Variants in ASPRV1 observed in about 807,000 individuals in gnomAD.
ASPRV1 encodes aspartic peptidase retroviral like 1, also known as retroviral-like aspartic protease 1.
In ASPRV1, 7 loss-of-function variants were observed where a neutral mutation model predicts 11.0. The ratio of observed to expected loss-of-function variants is 0.64; its 90% CI spans 0.36 to 1.20. The LOEUF is 1.20. Ranked by LOEUF, ASPRV1 falls within the 50% of genes most tolerant of loss-of-function variation. The probability of loss-of-function intolerance (pLI) is 0.02; values close to 1 mark genes in which losing one functional copy is unlikely to be tolerated. For missense variants in ASPRV1, 299 were observed against 320.0 expected (o/e 0.93, Z 0.50); for synonymous variants, 136 against 138.4 (o/e 0.98, Z 0.12).
chr2:69,968,022 C>T, the ASPRV1 span, among the ~76,000 whole-genome samples: 1 of 152,038 alleles, frequency 6.6e-6, no homozygotes, highest in Admixed American at 6.5e-5. Context: ...GCGAAGGTTG[C>T]AGTGAGCTAA....
At chr2:70,040,782 C>T in the ASPRV1 span, among the ~76,000 whole-genome samples, 1 of 150,918 alleles carries the variant, frequency 6.6e-6, no homozygotes, top group African/African-American at 2.5e-5. Context: ...TTCAGTGAGC[C>T]GAGATCACAC....
At chr2:70,016,504 G>A in the ASPRV1 span, among the ~76,000 whole-genome samples, 2 of 152,118 alleles carry the variant, frequency 1.3e-5, no homozygotes, top group African/African-American at 4.8e-5. Flanking sequence ...TTATGCCACT[G>A]CACTCCAGCC....
At chr2:69,938,029 G>C in the ASPRV1 span, 1 of 1,483,094 alleles carries the variant, frequency 6.7e-7, no homozygotes, top group Non-Finnish European at 9.2e-7. Flanking sequence ...TTACAAGCAT[G>C]AGCCACCACG....
chr2:70,053,363 G>T, the ASPRV1 span, among the ~76,000 whole-genome samples: 1 of 152,050 alleles, frequency 6.6e-6, no homozygotes, highest in Non-Finnish European at 1.5e-5. Context: ...TTAGCCTGGG[G>T]TGGGGGGTAT....
At chr2:69,982,734 TC>T in the ASPRV1 span, among the ~76,000 whole-genome samples, 2 of 152,044 alleles carry the variant, frequency 1.3e-5, no homozygotes, top group African/African-American at 4.8e-5. Flanking sequence ...CTTCCCCCCT[TC>T]TCAGGCCTGC....
the ASPRV1 span, among the ~76,000 whole-genome samples, chr2:69,973,274 T>C: frequency 3.6e-4 from 55 of 152,350 alleles, no homozygotes; most frequent in African/African-American, 1.3e-3. Flanking sequence ...CCTACAGTTG[T>C]AACTGATAAA....
chr2:69,988,478 A>G, the ASPRV1 span: 1 of 281,218 alleles, frequency 3.6e-6, no homozygotes, highest in East Asian at 8.7e-5. Context: ...GTTCATAGAG[A>G]CAGAAAGTAC....
chr2:69,953,800 C>A, the ASPRV1 span, among the ~76,000 whole-genome samples: 1 of 152,138 alleles, frequency 6.6e-6, no homozygotes, highest in Non-Finnish European at 1.5e-5. Context: ...CTCCACCTCC[C>A]AGGTTCAAGC....
At chr2:69,937,992 C>T in the ASPRV1 span, 3 of 1,053,528 alleles carry the variant, frequency 2.8e-6, no homozygotes, top group Non-Finnish European at 4.2e-6. Context: ...AGTGATCCAC[C>T]CGCCTTTGCC....
chr2:69,975,820 C>T, the ASPRV1 span: 2 of 152,386 alleles, frequency 1.3e-5, no homozygotes, highest in Non-Finnish European at 2.9e-5. Context: ...AGTGAATTTG[C>T]TTTTGGTTTT....
the ASPRV1 span, among the ~76,000 whole-genome samples, chr2:69,989,058 T>C: frequency 6.6e-6 from 1 of 151,962 alleles, no homozygotes; most frequent in South Asian, 2.1e-4. Context: ...CCATGAAGAG[T>C]GAGCAGGCAG....
chr2:70,067,533 T>C, the ASPRV1 span, among the ~76,000 whole-genome samples: 1 of 152,250 alleles, frequency 6.6e-6, no homozygotes, highest in Non-Finnish European at 1.5e-5. Context: ...ATCCATTCTA[T>C]GAAATACTAT....
chr2:69,969,761 C>T, the ASPRV1 span, among the ~76,000 whole-genome samples: 5 of 152,166 alleles, frequency 3.3e-5, no homozygotes, highest in African/African-American at 1.2e-4. Flanking sequence ...TTGTTTGTTT[C>T]GTCACCTAGG....
At chr2:70,016,363 T>A in the ASPRV1 span, 1 of 152,050 alleles carries the variant, frequency 6.6e-6, no homozygotes, top group Non-Finnish European at 1.5e-5. Flanking sequence ...TGGGACTACA[T>A]CAGCATAGAT....
chr2:70,067,147 G>A, the ASPRV1 span, among the ~76,000 whole-genome samples: 8 of 152,174 alleles, frequency 5.3e-5, 1 homozygote, highest in Admixed American at 3.9e-4. Context: ...CAGTAGCAAT[G>A]GAGAGGGAAA....
upstream of ASPRV1, among the ~76,000 whole-genome samples, chr2:69,963,908 G>A (rs1432896879): frequency 6.6e-6 from 1 of 152,160 alleles, no homozygotes; most frequent in Non-Finnish European, 1.5e-5. Flanking sequence ...AGGCGCCGGG[G>A]GCAGGGGTCT....
chr2:70,024,075 ATCCCGTC>A, the ASPRV1 span, among the ~76,000 whole-genome samples: 1 of 150,426 alleles, frequency 6.6e-6, no homozygotes. Flanking sequence ...ACAAAGCAAA[ATCCCGTC>A]ACTATTAAAA....
chr2:69,940,228 T>C, the ASPRV1 span: 1 of 152,050 alleles, frequency 6.6e-6, no homozygotes, highest in Non-Finnish European at 1.5e-5. Flanking sequence ...CTTGTATGCC[T>C]TTTGCATTTT....
At chr2:70,064,988 A>C in the ASPRV1 span, among the ~76,000 whole-genome samples, 1 of 152,036 alleles carries the variant, frequency 6.6e-6, no homozygotes, top group South Asian at 2.1e-4. Flanking sequence ...CCAGCTACTG[A>C]GGAGGCTGAG....
Sources: allele counts gnomAD v4.1 joint callset (sites outside exome capture counted in the v4.1 genomes callset), GRCh38; gene constraint gnomAD v4.1.1; transcripts MANE v1.5; gene names NCBI Gene and HGNC (gene_info 2026-07-23, HGNC 2026-07-21).